IQSEC1: variants seen among roughly 807,000 people sequenced by gnomAD.
IQSEC1 encodes IQ motif and Sec7 domain ArfGEF 1.
In IQSEC1, 31 loss-of-function variants were observed where a neutral mutation model predicts 91.0. The observed-to-expected ratio is 0.34, with a 90% confidence interval of 0.26 to 0.46. The LOEUF (loss-of-function observed/expected upper bound fraction) is 0.46, where lower values mean the gene tolerates loss of function less well. IQSEC1 is among the 20% of genes least tolerant of loss of function. IQSEC1 has a pLI of 1.00. For missense variants in IQSEC1, 1,388 were observed against 1,575.6 expected (o/e 0.88, Z 2.02); for synonymous variants, 699 against 662.6 (o/e 1.05, Z -0.84).
In IQSEC1 at chr3:13,093,760, G is replaced by C. The variant is rs537146888; in HGVS notation, c.303-46238C>G. On this transcript the variant is annotated intron_variant, in intron 2 of 15. Transcript: ENST00000648114. ...AGTTGGATCCACTGTCTGGCATCCA[G>C]CCCCTCTTATCCCTGAACCTCCTCC... Among the ~76,000 whole-genome samples the C allele has an allele frequency of 2.0e-5, 3 of 152,272 alleles. No homozygotes were observed. In the South Asian group the frequency reaches 6.2e-4, roughly 32 times the overall value.
chr3:13,100,505 TGAACA>T (rs1706037733), intron 2 of IQSEC1, among the ~76,000 whole-genome samples: 1 of 148,798 alleles, frequency 6.7e-6, no homozygotes, highest in Admixed American at 6.7e-5. Context: ...ACCAACTTCC[TGAACA>T]CCTCCTTGAG....
Position 12,900,867 on chromosome 3 carries a change from G to A in IQSEC1, c.*116C>T, listed in dbSNP as rs1694185062. The A allele has an allele frequency of 6.5e-7, 1 of 1,533,036 alleles. No homozygotes were observed. Among genetic ancestry groups the A allele is most frequent in the African/African-American group, 1.4e-5 (1 of 73,116 alleles). The allele number at this position is 1,533,036 out of a possible 1,614,324, so 95.0% of individuals were successfully genotyped here. On this transcript the variant is annotated 3_prime_UTR_variant, in exon 14 of 14. Coordinates refer to ENST00000613206, the MANE Select transcript of IQSEC1 (RefSeq NM_001134382.3). ...GGCTCCGGTTGGGCCGTGAGGGGCA[G>A]AGGGGAGAGATGGCAACAGAAGTGC...
At chr3:12,971,531 A>C (rs1700895923) in intron 1 of IQSEC1, among the ~76,000 whole-genome samples, 2 of 152,242 alleles carry the variant, frequency 1.3e-5, no homozygotes, top group Admixed American at 6.5e-5. Context: ...CATCTTGCAT[A>C]CTTATAGGAA....
chr3:12,899,922 C>A lies in IQSEC1; in HGVS notation c.*1061G>T. On this transcript the variant is annotated 3_prime_UTR_variant, in exon 14 of 14. Coordinates refer to ENST00000613206, the MANE Select transcript of IQSEC1 (RefSeq NM_001134382.3). The stretch of plus-strand genomic sequence containing the variant: ...TTCTGCCGTGTATGGGTGCCCCTCT[C>A]GGAGGACTCTGAATGAGTGTGCGTC... 1 of 985,050 alleles carries A rather than the reference C, an allele frequency of 1.0e-6. No individual in the cohort carries two copies. The highest frequency in any genetic ancestry group is 1.7e-5 in the African/African-American group (1 of 57,204). 61.0% of individuals were successfully genotyped at this position (985,050 alleles called of 1,614,324 possible).
At chr3:13,104,168 G>A (rs1706108156) in intron 2 of IQSEC1, among the ~76,000 whole-genome samples, 1 of 152,172 alleles carries the variant, frequency 6.6e-6, no homozygotes, top group Non-Finnish European at 1.5e-5. Context: ...TGTGCCTGGT[G>A]TAACTTCTGT....
chr3:12,960,245 A>C (rs1246490499), intron 1 of IQSEC1: 1 of 152,058 alleles, frequency 6.6e-6, no homozygotes, highest in African/African-American at 2.4e-5. Context: ...AGTCGTCCTG[A>C]TCCTGTCAGG....
chr3:13,175,408 G>A (rs763487060), intron 1 of IQSEC1, among the ~76,000 whole-genome samples: 2 of 152,174 alleles, frequency 1.3e-5, no homozygotes, highest in Non-Finnish European at 2.9e-5. Context: ...TCAGGAGGCC[G>A]GCTGTAGTTC....
At chr3:13,238,950 G>A (rs1259302332) in intron 1 of IQSEC1, among the ~76,000 whole-genome samples, 1 of 152,244 alleles carries the variant, frequency 6.6e-6, no homozygotes, top group Non-Finnish European at 1.5e-5. Flanking sequence ...TCTCTGGGAG[G>A]AGGGGGATTG....
chr3:13,038,258 G>GTATATATATATA (rs1354129185), intron 1 of IQSEC1, among the ~76,000 whole-genome samples: 47 of 51,324 alleles, frequency 9.2e-4, no homozygotes, highest in Non-Finnish European at 1.4e-3. Flanking sequence ...ATGTGTGTGT[G>GTATATATATATA]TGTGTATATA....
At chr3:13,045,704 C>T (rs1259757351) in intron 1 of IQSEC1, among the ~76,000 whole-genome samples, 4 of 152,216 alleles carry the variant, frequency 2.6e-5, no homozygotes, top group African/African-American at 4.8e-5. Flanking sequence ...GACTGGCCGG[C>T]GGAGTGGACA....
chr3:13,053,036 C>T, intron 1 of IQSEC1: 1 of 1,132,716 alleles, frequency 8.8e-7, no homozygotes, highest in East Asian at 2.4e-5. Context: ...TACCAGTTTT[C>T]ATCCGAATCC....
At chr3:12,938,844 G>C (rs1482303881) in intron 2 of IQSEC1, among the ~76,000 whole-genome samples, 1 of 152,142 alleles carries the variant, frequency 6.6e-6, no homozygotes, top group African/African-American at 2.4e-5. Flanking sequence ...TGGGGGCGAA[G>C]GGACTTCAGG....
At chr3:12,944,943 A>G (rs149422548) in intron 1 of IQSEC1, among the ~76,000 whole-genome samples, 64 of 152,294 alleles carry the variant, frequency 4.2e-4, no homozygotes, top group African/African-American at 1.4e-3. Flanking sequence ...TCCACCCTTC[A>G]CCAAGCCCTT....
chr3:13,022,444 G>A, intron 1 of IQSEC1: 1 of 1,027,492 alleles, frequency 9.7e-7, no homozygotes, highest in South Asian at 4.6e-5. Context: ...GGAGACAGCA[G>A]TGGCTGCAGG....
chr3:13,207,184 A>T lies in IQSEC1; in HGVS notation c.273-43051T>A, dbSNP rs1694359767. 6.6e-6 allele frequency among the ~76,000 whole-genome samples: 1 copy of T among 151,976 alleles called. No homozygotes were observed. The highest frequency in any genetic ancestry group is 1.5e-5 in the Non-Finnish European group (1 of 67,974). ...CTATCCTTGTCACCTGATGTCTAAC[A>T]AGCGTCTCTGGCTGAACACACCCAG... On this transcript the variant is annotated intron_variant, in intron 1 of 15. Transcript: ENST00000648114. This position sits in a 1 kb window ranked among gnomAD's most constrained non-coding sequence, Gnocchi z 4.8.
At chr3:13,020,152 A>T (rs748821494) in intron 1 of IQSEC1, among the ~76,000 whole-genome samples, 1 of 152,248 alleles carries the variant, frequency 6.6e-6, no homozygotes, top group Non-Finnish European at 1.5e-5. Context: ...AGCTGTGGTC[A>T]CAAGGAAAAG....
chr3:13,254,746 G>C (rs1247871718), intron 1 of IQSEC1, among the ~76,000 whole-genome samples: 2 of 152,212 alleles, frequency 1.3e-5, no homozygotes, highest in African/African-American at 4.8e-5. Context: ...GCGAGCAGCA[G>C]GTGGCAGAGC....
intron 2 of IQSEC1, among the ~76,000 whole-genome samples, chr3:12,939,508 C>A (rs930144820): frequency 7.2e-5 from 11 of 152,230 alleles, no homozygotes. Context: ...AGACTTAAAA[C>A]TCCTCGTGGA....
intron 1 of IQSEC1, among the ~76,000 whole-genome samples, chr3:13,041,976 C>A (rs1336881400): frequency 6.6e-6 from 1 of 152,148 alleles, no homozygotes; most frequent in African/African-American, 2.4e-5. Context: ...GGACCCCGGG[C>A]CGGTGCAGCT....
Sources: allele counts gnomAD v4.1 joint callset (sites outside exome capture counted in the v4.1 genomes callset), GRCh38; gene constraint gnomAD v4.1.1; non-coding constraint Gnocchi (gnomAD v3.1); transcripts MANE v1.5; gene names NCBI Gene and HGNC (gene_info 2026-07-23, HGNC 2026-07-21).